The following NREP variants were observed in gnomAD, a reference collection of about 807,000 sequenced individuals.
The protein encoded by NREP is neuronal regeneration related protein, also known as neuronal regeneration-related protein.
NREP carries 5 observed loss-of-function variants against 8.6 expected under a neutral mutation model. That is an observed-to-expected ratio of 0.58 (90% confidence interval 0.30 to 1.22). The LOEUF is 1.22. NREP is among the 50% of genes most tolerant of loss of function. The pLI is 0.07. For missense variants in NREP, 86 were observed against 82.5 expected (o/e 1.04, Z -0.17); for synonymous variants, 27 against 28.0 (o/e 0.96, Z 0.11).
chr5:111,954,354 T>C (rs532398959), intron 2 of NREP, among the ~76,000 whole-genome samples: 2 of 152,280 alleles, frequency 1.3e-5, no homozygotes, highest in South Asian at 2.1e-4. Context: ...CTAATAATTA[T>C]GTTAATAGGA....
intron 2 of NREP, among the ~76,000 whole-genome samples, chr5:111,967,424 T>G (rs1756675155): frequency 6.6e-6 from 1 of 152,274 alleles, no homozygotes; most frequent in Admixed American, 6.5e-5. Context: ...TCAGACATTG[T>G]AATTCATTCC....
chr5:111,851,110 T>C (rs1015630688), intron 2 of NREP, among the ~76,000 whole-genome samples: 3 of 152,178 alleles, frequency 2.0e-5, no homozygotes, highest in Admixed American at 6.6e-5. Context: ...GTCTAAGATA[T>C]AGTTTCTTCT....
At chr5:111,973,421 T>C (rs1384939757) in intron 2 of NREP, among the ~76,000 whole-genome samples, 1 of 152,206 alleles carries the variant, frequency 6.6e-6, no homozygotes, top group Non-Finnish European at 1.5e-5. Context: ...TACAAAACTA[T>C]TTTTAAACAA....
upstream of NREP, among the ~76,000 whole-genome samples, chr5:111,759,435 A>G (rs1299323688): frequency 8.3e-6 from 1 of 120,290 alleles, no homozygotes; most frequent in African/African-American, 3.1e-5. Flanking sequence ...TTTTTTTTTT[A>G]AGAAATGGAG....
chr5:111,919,544 TA>T (rs1408359104), intron 2 of NREP, among the ~76,000 whole-genome samples: 2 of 151,946 alleles, frequency 1.3e-5, no homozygotes, highest in African/African-American at 2.4e-5. Context: ...TATGCAGCCA[TA>T]AAAAAGGATG....
intron 2 of NREP, among the ~76,000 whole-genome samples, chr5:111,973,742 A>G (rs961769083): frequency 2.0e-5 from 3 of 151,874 alleles, no homozygotes; most frequent in African/African-American, 7.3e-5. Flanking sequence ...ACATTTAAGG[A>G]TCTCTCTCCT....
At chr5:111,920,387 C>T (rs1348850672) in intron 2 of NREP, among the ~76,000 whole-genome samples, 1 of 152,060 alleles carries the variant, frequency 6.6e-6, no homozygotes, top group Non-Finnish European at 1.5e-5. Flanking sequence ...TGGTTTGCTG[C>T]ACCTATCAGT....
chr5:111,887,336 G>A (rs901864111), intron 2 of NREP, among the ~76,000 whole-genome samples: 13 of 152,316 alleles, frequency 8.5e-5, no homozygotes, highest in East Asian at 5.8e-4. Context: ...ATATGAAGAC[G>A]GAGGTTGGGT....
rs183780048 is a variant in NREP at position 111,807,397 on chromosome 5, G to T, written c.136-71890C>A. ...TAACCAATAAGCACTAAGGAATCTT[G>T]CTGGGAAGTTACCAAATATTATGTA... On this transcript the variant is annotated intron_variant, in intron 2 of 3. Coordinates refer to the NREP transcript ENST00000395634. 2.4e-3 allele frequency among the ~76,000 whole-genome samples: 363 copies of T among 152,234 alleles called. 3 individuals are homozygous for T. The highest frequency in any genetic ancestry group is 0.015 in the South Asian group (73 of 4,802).
intron 2 of NREP, among the ~76,000 whole-genome samples, chr5:111,809,803 GT>G (rs2112912772): frequency 6.6e-6 from 1 of 151,696 alleles, no homozygotes; most frequent in African/African-American, 2.4e-5. Flanking sequence ...TGGACAAAGA[GT>G]TTTTTTCACT....
At chr5:111,858,401 T>A (rs1753472096) in intron 2 of NREP, among the ~76,000 whole-genome samples, 2 of 152,298 alleles carry the variant, frequency 1.3e-5, no homozygotes, top group Non-Finnish European at 2.9e-5. Flanking sequence ...AGCACCCACA[T>A]TAACTGGTCT....
rs1267410973 is a variant in NREP, at chr5:111,757,121, A to AG, written c.-59+14_-59+15insC. The AG allele has an allele frequency of 1.2e-6, 1 of 809,116 alleles. No homozygotes were observed. Among genetic ancestry groups the AG allele is most frequent in the African/African-American group, 1.9e-5 (1 of 53,382 alleles). The allele number at this position is 809,116 out of a possible 1,614,324, so 50.1% of individuals were successfully genotyped here. A position where few individuals can be genotyped will look rare whatever the true frequency, so the allele number is the denominator to read the frequency against. ...CCAGCGCTCCCAGCCGGGGATAGGA[A>AG]TGGCATATACTTACAGACAAAAGCC... On this transcript the variant is annotated intron_variant, in intron 1 of 3. Transcript: ENST00000257435.
chr5:111,845,718 C>T (rs1419928392), intron 2 of NREP, among the ~76,000 whole-genome samples: 1 of 151,952 alleles, frequency 6.6e-6, no homozygotes, highest in Non-Finnish European at 1.5e-5. Context: ...ATCATATATA[C>T]TACACACTCA....
At chr5:111,965,983 C>T (rs1186178818) in intron 2 of NREP, among the ~76,000 whole-genome samples, 4 of 152,068 alleles carry the variant, frequency 2.6e-5, no homozygotes, top group East Asian at 1.9e-4. Context: ...AGGCTGCAAC[C>T]GTGATGTGAA....
chr5:111,772,633 A>G (rs190675414), intron 2 of NREP, among the ~76,000 whole-genome samples: 174 of 152,110 alleles, frequency 1.1e-3, no homozygotes, highest in Non-Finnish European at 1.8e-3. Flanking sequence ...CCTCTCATTC[A>G]GCCCCTCCCC....
At position 111,819,102 on chromosome 5, in the gene NREP, C is replaced by G. The variant is rs181259038; in HGVS notation, c.136-83595G>C. Among the ~76,000 whole-genome samples, 3 of 152,146 alleles carry G rather than the reference C, an allele frequency of 2.0e-5. No individual in the cohort carries two copies. In the East Asian group the frequency reaches 5.8e-4, roughly 29 times the overall value. ...AGTTTAACTTCCTGGTTCTCTTTAC[C>G]TGCTTGCCTCTAGTTTCAGTAAACA... On this transcript the variant is annotated intron_variant, in intron 2 of 3. Coordinates refer to the NREP transcript ENST00000395634.
intron 1 of NREP, chr5:111,756,033 T>A: frequency 7.4e-7 from 1 of 1,346,446 alleles, no homozygotes; most frequent in South Asian, 1.8e-5. Flanking sequence ...GAATCCCTGG[T>A]ACTTGGCTTT....
At chr5:111,880,496 TG>T (rs1355509611) in intron 2 of NREP, among the ~76,000 whole-genome samples, 3 of 152,190 alleles carry the variant, frequency 2.0e-5, no homozygotes, top group Admixed American at 2.0e-4. Context: ...TGTTCTTGCA[TG>T]GTCGTCCTTC....
intron 2 of NREP, among the ~76,000 whole-genome samples, chr5:111,820,271 C>T (rs907032060): frequency 3.3e-5 from 5 of 152,200 alleles, no homozygotes; most frequent in African/African-American, 7.2e-5. Context: ...GAAGGCAGAG[C>T]GCCACCTTGC....
Sources: gnomAD v4.1 joint callset for allele counts (sites outside exome capture counted in the v4.1 genomes callset) on GRCh38, gnomAD v4.1.1 for gene constraint, MANE v1.5 for transcripts, NCBI Gene and HGNC (gene_info 2026-07-23, HGNC 2026-07-21) for gene names.